The following THSD7A variants were observed in gnomAD, a reference collection of about 807,000 sequenced individuals.
THSD7A encodes the protein thrombospondin type-1 domain-containing protein 7A.
Under a neutral mutation model 231.3 loss-of-function variants are expected in THSD7A, and 96 were observed. The ratio of observed to expected loss-of-function variants is 0.41; its 90% CI spans 0.35 to 0.49. The LOEUF (loss-of-function observed/expected upper bound fraction) is 0.49, where lower values mean the gene tolerates loss of function less well. Among genes scored for constraint, THSD7A ranks in the 20% least tolerant of loss-of-function variants. The probability of loss-of-function intolerance (pLI) is 0.05; values close to 1 mark genes in which losing one functional copy is unlikely to be tolerated. For synonymous variants in THSD7A, 940 were observed against 743.3 expected, an observed-to-expected ratio of 1.26 and a Z score of -4.30; for missense variants, 2,290 against 2,070.2, an observed-to-expected ratio of 1.11 and a Z score of -2.06.
intron 9 of THSD7A, among the ~76,000 whole-genome samples, chr7:11,463,861 A>T (rs1162344987): frequency 6.6e-6 from 1 of 152,182 alleles, no homozygotes; most frequent in Non-Finnish European, 1.5e-5. Context: ...TTATATTGTC[A>T]AAATGACCTG....
chr7:11,652,911 GA>G (rs1267184310), intron 1 of THSD7A, among the ~76,000 whole-genome samples: 1 of 151,794 alleles, frequency 6.6e-6, no homozygotes, highest in Non-Finnish European at 1.5e-5. Flanking sequence ...AGGATTCTAG[GA>G]AAAATAATCA....
At chr7:11,749,549 A>G (rs1471526439) in intron 1 of THSD7A, among the ~76,000 whole-genome samples, 7 of 151,972 alleles carry the variant, frequency 4.6e-5, no homozygotes, top group Non-Finnish European at 1.5e-5. Context: ...GGGTTTAACA[A>G]TTAAAAGTCT....
At position 11,636,590 on chromosome 7, in the gene THSD7A, G is replaced by C. The variant is rs756264094; in HGVS notation, c.562C>G (p.Leu188Val). The C allele has an allele frequency of 3.1e-5, 50 of 1,613,874 alleles. No homozygotes were observed. The highest frequency in any genetic ancestry group is 1.6e-4 in the Middle Eastern group (1 of 6,084). Residue 188 changes from leucine (L) to valine (V), a missense_variant, in exon 2 of 28, where the codon CTC (leucine) becomes GTC (valine). Transcript: ENST00000423059. This position sits in a 1 kb window ranked among gnomAD's most constrained non-coding sequence, Gnocchi z 10.0. ...ATGCAATCTTGCTGGCAAGGAATGA[G>C]GCAAGCCTGCTCCAGGAGAGGCTTG... ...EPKPLLEQAC[L>V]IPCQQDCIVS...
At chr7:11,820,170 C>T (rs1288461234) in intron 1 of THSD7A, 2 of 290,938 alleles carry the variant, frequency 6.9e-6, no homozygotes, top group Non-Finnish European at 6.5e-6. Flanking sequence ...CCAGGGATGC[C>T]TCCCGCGGTA....
intron 1 of THSD7A, among the ~76,000 whole-genome samples, chr7:11,828,197 G>A (rs1785086303): frequency 6.6e-6 from 1 of 152,156 alleles, no homozygotes; most frequent in Non-Finnish European, 1.5e-5. Context: ...TCTTACCATT[G>A]TTTGAAAGTT....
intron 1 of THSD7A, among the ~76,000 whole-genome samples, chr7:11,676,063 G>A (rs1783624961): frequency 1.3e-5 from 2 of 152,190 alleles, no homozygotes; most frequent in East Asian, 1.9e-4. Flanking sequence ...GCTTCCAAAA[G>A]AAGGAGCAAG....
Position 11,374,207 on chromosome 7 carries a change from T to C in THSD7A, c.*1587A>G, listed in dbSNP as rs1003599993. ...TAAGGGAAGTTATATAGGAAAACAG[T>C]TATGTTCATTCTTTTATTTACTAAG... On this transcript the variant is annotated 3_prime_UTR_variant, in exon 28 of 28. Coordinates refer to ENST00000423059, the MANE Select transcript of THSD7A (RefSeq NM_015204.3). 8 of 152,098 alleles carry C rather than the reference T, an allele frequency of 5.3e-5. No individual in the cohort carries two copies. Among genetic ancestry groups the C allele is most frequent in the African/African-American group, 1.9e-4 (8 of 41,438 alleles). 9.4% of individuals were successfully genotyped at this position (152,098 alleles called of 1,614,324 possible).
At chr7:11,797,412 C>CTTTTTTTTTTTTTTTT in intron 1 of THSD7A, among the ~76,000 whole-genome samples, 1 of 109,010 alleles carries the variant, frequency 9.2e-6, no homozygotes, top group Non-Finnish European at 1.9e-5. Flanking sequence ...CTGCCTCTCT[C>CTTTTTTTTTTTTTTTT]TTTTTTTTTT....
At chr7:11,597,576 T>C (rs1780408971) in intron 2 of THSD7A, among the ~76,000 whole-genome samples, 2 of 152,278 alleles carry the variant, frequency 1.3e-5, no homozygotes, top group Admixed American at 6.5e-5. Context: ...ATCAGAGGCC[T>C]CTAGGATTTT....
At chr7:11,383,652 T>G (rs1297501210) in intron 23 of THSD7A, 1 of 151,938 alleles carries the variant, frequency 6.6e-6, no homozygotes, top group Non-Finnish European at 1.5e-5. Flanking sequence ...GTATGGAAAG[T>G]TATCTTGTCA....
intron 1 of THSD7A, among the ~76,000 whole-genome samples, chr7:11,810,582 T>C (rs903455223): frequency 6.6e-6 from 1 of 152,160 alleles, no homozygotes; most frequent in Non-Finnish European, 1.5e-5. Flanking sequence ...ATATTTGTAA[T>C]AGATCAAAAT....
intron 1 of THSD7A, among the ~76,000 whole-genome samples, chr7:11,704,118 T>C (rs1780688966): frequency 6.6e-6 from 1 of 151,124 alleles, no homozygotes; most frequent in African/African-American, 2.4e-5. Context: ...TCATTAGAGC[T>C]CTTTAATACA....
chr7:11,717,197 G>A (rs1167473084), intron 1 of THSD7A, among the ~76,000 whole-genome samples: 1 of 151,700 alleles, frequency 6.6e-6, no homozygotes. Flanking sequence ...CGCTATGAAA[G>A]CAATAAAGGT....
At chr7:11,418,568 T>C (rs1784036974) in intron 16 of THSD7A, among the ~76,000 whole-genome samples, 1 of 152,216 alleles carries the variant, frequency 6.6e-6, no homozygotes, top group South Asian at 2.1e-4. Flanking sequence ...CTCTCAAACC[T>C]AGTGTCATGT....
chr7:11,636,228 CCTGTTT>C lies in THSD7A; in HGVS notation c.918_923del (p.Asn307_Arg308del). The stretch of plus-strand genomic sequence containing the variant: ...AATATTTGTTCTCTTGTCTGTTCTG[CCTGTTT>C]CTGTTTCTCTTTTTCTTAATAAGCT... On this transcript the variant is annotated inframe_deletion, in exon 2 of 28. Transcript: ENST00000423059. This position sits in a 1 kb window ranked among gnomAD's most constrained non-coding sequence, Gnocchi z 10.0. 2 of 1,613,866 alleles carry C rather than the reference CCTGTTT, an allele frequency of 1.2e-6. No homozygotes were observed. The highest frequency in any genetic ancestry group is 8.5e-7 in the Non-Finnish European group (1 of 1,179,856).
intron 1 of THSD7A, among the ~76,000 whole-genome samples, chr7:11,730,480 T>G (rs1468175346): frequency 1.3e-5 from 2 of 151,640 alleles, no homozygotes; most frequent in Non-Finnish European, 3.0e-5. Flanking sequence ...ATTTACGTAA[T>G]GTATTATAAT....
chr7:11,489,958 T>A (rs1786819954), intron 6 of THSD7A, among the ~76,000 whole-genome samples: 1 of 152,106 alleles, frequency 6.6e-6, no homozygotes, highest in African/African-American at 2.4e-5. Context: ...CTTCACAGTA[T>A]GATACAATTA....
At chr7:11,766,738 T>C (rs1429517545) in intron 1 of THSD7A, among the ~76,000 whole-genome samples, 1 of 152,110 alleles carries the variant, frequency 6.6e-6, no homozygotes, top group African/African-American at 2.4e-5. Context: ...TTAAATGCCA[T>C]TGAGAACAGA....
chr7:11,429,464 A>T (rs2115426244), intron 13 of THSD7A, among the ~76,000 whole-genome samples: 1 of 152,350 alleles, frequency 6.6e-6, no homozygotes, highest in South Asian at 2.1e-4. Flanking sequence ...TACATTAAAA[A>T]ATTATAACAG....
Sources: gnomAD v4.1 joint callset for allele counts (sites outside exome capture counted in the v4.1 genomes callset) on GRCh38, gnomAD v4.1.1 for gene constraint, Gnocchi (gnomAD v3.1) non-coding constraint, MANE v1.5 for transcripts, NCBI Gene and HGNC (gene_info 2026-07-23, HGNC 2026-07-21) for gene names.